The following TNIP1 variants were observed in gnomAD, a reference collection of about 807,000 sequenced individuals.
The protein encoded by TNIP1 is TNFAIP3 interacting protein 1, also known as TNFAIP3-interacting protein 1.
In TNIP1, 22 loss-of-function variants were observed where a neutral mutation model predicts 86.6. The ratio of observed to expected loss-of-function variants is 0.25; its 90% CI spans 0.18 to 0.36. The LOEUF (loss-of-function observed/expected upper bound fraction) is 0.36, where lower values mean the gene tolerates loss of function less well. Among genes scored for constraint, TNIP1 ranks in the 10% least tolerant of loss-of-function variants. The pLI is 1.00. For missense variants in TNIP1, 709 were observed against 820.6 expected, an observed-to-expected ratio of 0.86 and a Z score of 1.66; for synonymous variants, 294 against 313.0, an observed-to-expected ratio of 0.94 and a Z score of 0.64.
chr5:151,031,090 T>A (rs1756822342), intron 17 of TNIP1, among the ~76,000 whole-genome samples: 1 of 152,112 alleles, frequency 6.6e-6, no homozygotes, highest in African/African-American at 2.4e-5. Context: ...ATTATACCAA[T>A]CTCTACCACT....
chr5:151,060,104 C>T (rs1029746173), intron 5 of TNIP1, among the ~76,000 whole-genome samples: 7 of 152,154 alleles, frequency 4.6e-5, no homozygotes, highest in Admixed American at 3.3e-4. Flanking sequence ...TCACAACGGT[C>T]GGGTGCCCGT....
At chr5:151,043,551 A>C (rs1758732946) in intron 9 of TNIP1, among the ~76,000 whole-genome samples, 1 of 152,190 alleles carries the variant, frequency 6.6e-6, no homozygotes, top group Admixed American at 6.5e-5. Context: ...AAGGTGGGCC[A>C]ATTGCTTGAG....
At chr5:151,048,405 A>AT (rs35015081) in intron 8 of TNIP1, among the ~76,000 whole-genome samples, 125,645 of 152,120 alleles carry the variant, frequency 0.83, 52,598 homozygotes, top group East Asian at 0.95. Flanking sequence ...TACTATCTTC[A>AT]TTTTACAGAG....
chr5:151,052,148 G>C lies in TNIP1; in HGVS notation c.722+17C>G, dbSNP rs1430433221. ...AGCCCCCACTCCTCACCCCTTCTCT[G>C]AGGGGCCTGAACTTACCGCAGCCTC... On this transcript the variant is annotated intron_variant, in intron 7 of 17. Transcript: ENST00000521591. 1 of 1,612,172 alleles carries C rather than the reference G, an allele frequency of 6.2e-7. No individual in the cohort carries two copies. Among genetic ancestry groups the C allele is most frequent in the Admixed American group, 1.7e-5 (1 of 59,966 alleles).
At chr5:151,065,288 T>G (rs1433030027) in intron 1 of TNIP1, among the ~76,000 whole-genome samples, 157 bp from the exon 2 acceptor site, 9 of 152,250 alleles carry the variant, frequency 5.9e-5, no homozygotes, top group Non-Finnish European at 1.3e-4. Flanking sequence ...TCCTTTTATC[T>G]GGACGCTCTG....
Position 151,035,031 on chromosome 5 carries a change from C to T in TNIP1, c.1558G>A (p.Ala520Thr), listed in dbSNP as rs773020315. ...GCTTTCCTCTTCTGCTGTCTGAGGG[C>T]TTCTCTTGCCTTCTCCTCATCTTTG... The part of the protein sequence containing the change: ...AFKDEEKARE[A>T]LRQQKRKAKA... The change falls in exon 15 of 18, where the codon GCC (alanine) becomes ACC (threonine). Residue 520 changes from alanine to threonine, a missense_variant. Coordinates refer to ENST00000521591, the MANE Select transcript of TNIP1 (RefSeq NM_006058.5). The T allele has an allele frequency of 1.9e-6, 3 of 1,614,136 alleles. No individual in the cohort carries two copies. In the South Asian group the frequency reaches 3.3e-5, roughly 18 times the overall value.
At chr5:151,084,436 C>T (rs1189041356), upstream of TNIP1, among the ~76,000 whole-genome samples, 1 of 127,456 alleles carries the variant, frequency 7.8e-6, no homozygotes, top group Non-Finnish European at 1.6e-5. Flanking sequence ...AAGAGCAAGA[C>T]TTCGTCTCAA....
intron 15 of TNIP1, chr5:151,034,410 G>A (rs1757400315): frequency 3.5e-6 from 1 of 283,004 alleles, no homozygotes; most frequent in Non-Finnish European, 6.6e-6. Context: ...GCTGGTACAT[G>A]GGCACGGAAG....
intron 1 of TNIP1, among the ~76,000 whole-genome samples, chr5:151,076,617 A>C (rs1763424781): frequency 6.6e-6 from 1 of 152,180 alleles, no homozygotes; most frequent in Non-Finnish European, 1.5e-5. Context: ...TCTGGTGGCC[A>C]CTGTGCACTC....
intron 5 of TNIP1, among the ~76,000 whole-genome samples, chr5:151,057,285 C>T (rs1483391896): frequency 1.3e-5 from 2 of 152,238 alleles, no homozygotes; most frequent in Non-Finnish European, 2.9e-5. Flanking sequence ...ACCCTTCCCT[C>T]CCTTCAACCT....
upstream of TNIP1, among the ~76,000 whole-genome samples, chr5:151,082,198 A>G (rs1327640115): frequency 6.6e-6 from 1 of 152,172 alleles, no homozygotes; most frequent in Admixed American, 6.5e-5. Flanking sequence ...TTATATACCT[A>G]ATCTGGGGAT....
intron 15 of TNIP1, 48 bp from the exon 16 acceptor site, chr5:151,033,847 G>T: frequency 7.4e-7 from 1 of 1,356,520 alleles, no homozygotes; most frequent in Non-Finnish European, 9.6e-7. Context: ...AGGCTGCAAA[G>T]GACACCCATC....
intron 1 of TNIP1, among the ~76,000 whole-genome samples, chr5:151,075,169 C>G (rs1312759014): frequency 2.0e-4 from 31 of 151,736 alleles, no homozygotes; most frequent in Non-Finnish European, 2.9e-5. Flanking sequence ...AGAAAAAAAC[C>G]CCACTAAATT....
intron 1 of TNIP1, among the ~76,000 whole-genome samples, chr5:151,077,491 C>T (rs1452120486): frequency 6.6e-6 from 1 of 152,192 alleles, no homozygotes; most frequent in Non-Finnish European, 1.5e-5. Flanking sequence ...TGAGTGCTTG[C>T]CACACACTAT....
chr5:151,087,086 TG>T, exon 1 of TNIP1: 1 of 153,058 alleles, frequency 6.5e-6, no homozygotes. Context: ...GTCACTCACC[TG>T]GGGAAGGGCA....
intron 9 of TNIP1, 120 bp from the exon 10 acceptor site, chr5:151,043,081 G>C: frequency 2.0e-6 from 2 of 988,112 alleles, no homozygotes; most frequent in South Asian, 2.7e-5. Flanking sequence ...AGTGGCTACA[G>C]ACACTGTCTC....
At chr5:151,084,660 G>A (rs767354267), upstream of TNIP1, among the ~76,000 whole-genome samples, 1 of 152,064 alleles carries the variant, frequency 6.6e-6, no homozygotes, top group South Asian at 2.1e-4. Flanking sequence ...AATCAAACAA[G>A]AACATTCCTC....
chr5:151,035,571 G>A lies in TNIP1; in HGVS notation c.1521+11C>T, dbSNP rs1561807273. 1.9e-6 allele frequency: 3 copies of A among 1,614,160 alleles called. No individual in the cohort carries two copies. The highest frequency in any genetic ancestry group is 2.5e-6 in the Non-Finnish European group (3 of 1,180,016). The stretch of plus-strand genomic sequence containing the variant: ...AGGCCAGTTGCCCTTCCTGGGTCCA[G>A]TCACTCTTACCTGGGCATTTGACAG... On this transcript the variant is annotated intron_variant, in intron 14 of 17. Transcript: ENST00000521591.
rs1761665073 is a variant in TNIP1, at chr5:151,062,217, A to T, written c.272-5T>A. On this transcript the variant is annotated splice_polypyrimidine_tract_variant and splice_region_variant and intron_variant, in intron 3 of 17. Transcript: ENST00000521591. The stretch of plus-strand genomic sequence containing the variant: ...CTGTGACATTTGAGTCCTTTCCTGG[A>T]GAATCAAGAAAGCACAGATGAACTG... 6.2e-7 allele frequency: 1 copy of T among 1,613,750 alleles called. No individual in the cohort carries two copies. Among genetic ancestry groups the T allele is most frequent in the Non-Finnish European group, 8.5e-7 (1 of 1,179,738 alleles).
Sources: allele counts gnomAD v4.1 joint callset (sites outside exome capture counted in the v4.1 genomes callset), GRCh38; gene constraint gnomAD v4.1.1; transcripts MANE v1.5; gene names NCBI Gene and HGNC (gene_info 2026-07-23, HGNC 2026-07-21).